PPP2R1B: variants seen among roughly 807,000 people sequenced by gnomAD.
PPP2R1B encodes serine/threonine-protein phosphatase 2A 65 kDa regulatory subunit A beta isoform.
In PPP2R1B, 58 loss-of-function variants were observed where a neutral mutation model predicts 72.7. The observed-to-expected ratio is 0.80, with a 90% CI of 0.65 to 0.99. The LOEUF is 0.99. Among genes scored for constraint, PPP2R1B ranks in the 50% least tolerant of loss-of-function variants. The pLI is 0.00. For synonymous variants in PPP2R1B, 256 were observed against 264.6 expected (o/e 0.97, Z 0.32); for missense variants, 695 against 733.6 (o/e 0.95, Z 0.61).
intron 15 of PPP2R1B, among the ~76,000 whole-genome samples, chr11:111,731,515 G>T (rs540669826): frequency 4.6e-5 from 7 of 152,384 alleles, no homozygotes; most frequent in African/African-American, 1.7e-4. Flanking sequence ...GCCAGGCCCT[G>T]AGTGAAAGGC....
At chr11:111,721,373 A>G in the PPP2R1B span, among the ~76,000 whole-genome samples, 1 of 152,050 alleles carries the variant, frequency 6.6e-6, no homozygotes, top group Admixed American at 6.5e-5. Flanking sequence ...TGCCACACAC[A>G]CACCCAAATG....
At chr11:111,752,033 G>C in intron 10 of PPP2R1B, 126 bp downstream of exon 10, 1 of 1,071,994 alleles carries the variant, frequency 9.3e-7, no homozygotes, top group Non-Finnish European at 1.3e-6. Flanking sequence ...TAGGTAACAA[G>C]AACAAGGCCA....
chr11:111,723,839 C>G (rs1275726504), downstream of PPP2R1B: 1 of 1,613,660 alleles, frequency 6.2e-7, no homozygotes, highest in East Asian at 2.2e-5. Flanking sequence ...ACCCCCTCCA[C>G]CACCACGACA....
the PPP2R1B span, among the ~76,000 whole-genome samples, chr11:111,721,631 T>C: frequency 6.6e-6 from 1 of 152,204 alleles, no homozygotes; most frequent in African/African-American, 2.4e-5. Flanking sequence ...TAGGTAATTG[T>C]TAACTAGAGA....
downstream of PPP2R1B, chr11:111,723,437 T>A: frequency 6.6e-7 from 1 of 1,514,264 alleles, no homozygotes; most frequent in Non-Finnish European, 8.9e-7. Context: ...TGCATTTACA[T>A]TAAAATTGCC....
At chr11:111,717,394 T>G in the PPP2R1B span, among the ~76,000 whole-genome samples, 1 of 139,654 alleles carries the variant, frequency 7.2e-6, no homozygotes, top group East Asian at 2.2e-4. Flanking sequence ...CACAATGAGA[T>G]ACTATCTCAT....
the PPP2R1B span, among the ~76,000 whole-genome samples, chr11:111,720,234 G>A: frequency 2.0e-5 from 3 of 152,186 alleles, no homozygotes; most frequent in Non-Finnish European, 4.4e-5. Context: ...TGGGTGCCAC[G>A]TGATTGATCA....
chr11:111,704,128 C>G, the PPP2R1B span, among the ~76,000 whole-genome samples: 3 of 152,200 alleles, frequency 2.0e-5, no homozygotes, highest in Non-Finnish European at 4.4e-5. Flanking sequence ...TCCCCCGCCA[C>G]GTAGCCATAA....
At chr11:111,752,742 G>A (rs1034897327) in intron 9 of PPP2R1B, among the ~76,000 whole-genome samples, 4 of 152,100 alleles carry the variant, frequency 2.6e-5, no homozygotes, top group African/African-American at 4.8e-5. Flanking sequence ...TTGGGAGGCC[G>A]AGACGGGCAG....
At position 111,754,960 on chromosome 11, in the gene PPP2R1B, C is replaced by T; in HGVS notation, c.958+20G>A. 1 of 1,553,940 alleles carries T rather than the reference C, an allele frequency of 6.4e-7. No homozygotes were observed. The highest frequency in any genetic ancestry group is 8.8e-7 in the Non-Finnish European group (1 of 1,136,986). ...CCAAAATGAATGACACATGTTCCAA[C>T]ATAAATTGAACTCCTTAACCTTTTA... On this transcript the variant is annotated intron_variant, in intron 7 of 14. Coordinates refer to ENST00000527614, the MANE Select transcript of PPP2R1B (RefSeq NM_002716.5).
chr11:111,704,482 GTC>G, the PPP2R1B span, among the ~76,000 whole-genome samples: 15 of 152,204 alleles, frequency 9.9e-5, no homozygotes, highest in Non-Finnish European at 2.1e-4. Flanking sequence ...GAGACATAGT[GTC>G]TCTCAATTTA....
At chr11:111,761,729 T>C (rs1591712031) in intron 3 of PPP2R1B, among the ~76,000 whole-genome samples, 1 of 152,060 alleles carries the variant, frequency 6.6e-6, no homozygotes, top group Admixed American at 6.5e-5. Context: ...GAGGCCGAGG[T>C]GGGCAGATCA....
intron 3 of PPP2R1B, 176 bp from the exon 4 acceptor site, chr11:111,761,227 C>G (rs1945315079): frequency 1.4e-6 from 1 of 707,102 alleles, no homozygotes; most frequent in Non-Finnish European, 2.5e-6. Flanking sequence ...GCGGCCAACC[C>G]AAAGACACGA....
chr11:111,755,126 T>C (rs1555049206), intron 6 of PPP2R1B, 32 bp from the exon 7 acceptor site: 4 of 1,566,374 alleles, frequency 2.6e-6, no homozygotes, highest in East Asian at 2.2e-5. Flanking sequence ...TTTTAATGTA[T>C]ACTAACAAAA....
chr11:111,739,945 A>T lies in PPP2R1B; in HGVS notation c.*1651T>A. 1.0e-6 allele frequency: 1 copy of T among 979,740 alleles called. No homozygotes were observed. The highest frequency in any genetic ancestry group is 1.2e-6 in the Non-Finnish European group (1 of 824,754). 60.7% of individuals were successfully genotyped at this position (979,740 alleles called of 1,614,324 possible). A position where few individuals can be genotyped will look rare whatever the true frequency, so the allele number is the denominator to read the frequency against. ...GCAGACAGATAACCTCTGATTTACA[A>T]TTTCTATTTTTCGAATGTAGGACAA... On this transcript the variant is annotated 3_prime_UTR_variant, in exon 15 of 15. Coordinates refer to ENST00000527614, the MANE Select transcript of PPP2R1B (RefSeq NM_002716.5).
At chr11:111,705,263 T>C in the PPP2R1B span, 1 of 1,021,862 alleles carries the variant, frequency 9.8e-7, no homozygotes, top group Non-Finnish European at 1.3e-6. The surrounding 1 kb of genome is among the most constrained non-coding windows in gnomAD (Gnocchi z 4.3). Context: ...GTAAAATTTC[T>C]GCCTGCCATT....
chr11:111,722,963 G>A (rs1171222632), downstream of PPP2R1B, among the ~76,000 whole-genome samples: 1 of 152,216 alleles, frequency 6.6e-6, no homozygotes, highest in Admixed American at 6.5e-5. The surrounding 1 kb of genome is among the most constrained non-coding windows in gnomAD (Gnocchi z 4.4). Context: ...GCCCCACAGT[G>A]TACTTTGTTT....
At chr11:111,762,614 G>A (rs1453593217) in intron 3 of PPP2R1B, among the ~76,000 whole-genome samples, 3 of 149,286 alleles carry the variant, frequency 2.0e-5, no homozygotes, top group Non-Finnish European at 4.4e-5. Context: ...GAAGTGCAGT[G>A]GCACAATCAT....
At chr11:111,743,932 G>GAACC (rs1944613051) in intron 11 of PPP2R1B, among the ~76,000 whole-genome samples, 2 of 152,216 alleles carry the variant, frequency 1.3e-5, no homozygotes, top group Admixed American at 1.3e-4. Flanking sequence ...TGTGAGGGTT[G>GAACC]TAGCAGTGCA....
Sources: allele counts gnomAD v4.1 joint callset (sites outside exome capture counted in the v4.1 genomes callset), GRCh38; gene constraint gnomAD v4.1.1; non-coding constraint Gnocchi (gnomAD v3.1); transcripts MANE v1.5; gene names NCBI Gene and HGNC (gene_info 2026-07-23, HGNC 2026-07-21).